BTBD9: variants seen among roughly 807,000 people sequenced by gnomAD.
The protein encoded by BTBD9 is BTB/POZ domain-containing protein 9.
Under a neutral mutation model 64.3 loss-of-function variants are expected in BTBD9, and 49 were observed. That is an observed-to-expected ratio of 0.76 (90% confidence interval 0.61 to 0.97). The LOEUF is 0.97. Ranked by LOEUF, BTBD9 falls within the 50% of genes least tolerant of loss-of-function variation. The pLI, the probability that BTBD9 is intolerant of heterozygous loss-of-function variation, is 0.00. For synonymous variants in BTBD9, 260 were observed against 274.7 expected, an observed-to-expected ratio of 0.95 and a Z score of 0.53; for missense variants, 598 against 762.1, an observed-to-expected ratio of 0.78 and a Z score of 2.53.
chr6:38,205,703 G>T (rs1301117154), intron 9 of BTBD9, among the ~76,000 whole-genome samples: 4 of 151,336 alleles, frequency 2.6e-5, no homozygotes, highest in Admixed American at 2.6e-4. Context: ...GGCCAACATG[G>T]CAAAACCCCT....
intron 6 of BTBD9, among the ~76,000 whole-genome samples, chr6:38,357,608 A>G (rs554234500): frequency 6.6e-6 from 1 of 152,292 alleles, no homozygotes; most frequent in South Asian, 2.1e-4. Flanking sequence ...TAAAAATAAA[A>G]ATTTGAGCAG....
intron 1 of BTBD9, among the ~76,000 whole-genome samples, chr6:38,623,876 C>A (rs1178789649): frequency 2.0e-5 from 3 of 152,224 alleles, no homozygotes; most frequent in Non-Finnish European, 4.4e-5. Flanking sequence ...CCAAGGACCC[C>A]TGGACTGACC....
At chr6:38,521,081 T>G (rs1773252235) in intron 6 of BTBD9, among the ~76,000 whole-genome samples, 2 of 151,914 alleles carry the variant, frequency 1.3e-5, no homozygotes, top group African/African-American at 4.8e-5. Context: ...AGCCCAACAG[T>G]TAAGATCGTG....
intron 6 of BTBD9, among the ~76,000 whole-genome samples, chr6:38,364,883 A>C (rs2127600479): frequency 6.6e-6 from 1 of 152,298 alleles, no homozygotes; most frequent in Admixed American, 6.5e-5. Context: ...CTCTGTTCTG[A>C]GACTTCTGGA....
At chr6:38,602,409 A>C (rs566230993) in intron 1 of BTBD9, among the ~76,000 whole-genome samples, 1 of 151,618 alleles carries the variant, frequency 6.6e-6, no homozygotes, top group South Asian at 2.1e-4. Flanking sequence ...AAAGTTAGAT[A>C]CTAATGAACA....
chr6:38,411,509 C>T (rs1004981630), intron 6 of BTBD9, among the ~76,000 whole-genome samples: 6 of 152,046 alleles, frequency 3.9e-5, no homozygotes, highest in East Asian at 1.9e-4. Flanking sequence ...AAGATAAAAT[C>T]GGATACATTC....
At chr6:38,425,283 T>G (rs1562167413) in intron 6 of BTBD9, among the ~76,000 whole-genome samples, 1 of 151,400 alleles carries the variant, frequency 6.6e-6, no homozygotes, top group African/African-American at 2.4e-5. Context: ...CTTTTGTATT[T>G]TTAGTAGAGA....
chr6:38,627,443 C>A (rs572274595), intron 1 of BTBD9, among the ~76,000 whole-genome samples: 42 of 152,228 alleles, frequency 2.8e-4, no homozygotes, highest in African/African-American at 9.6e-4. Flanking sequence ...TTAGAATATG[C>A]CACATATACA....
chr6:38,403,866 GTATAT>G (rs2127242589), intron 6 of BTBD9, among the ~76,000 whole-genome samples: 1 of 152,230 alleles, frequency 6.6e-6, no homozygotes, highest in African/African-American at 2.4e-5. Context: ...GTAAAATACT[GTATAT>G]TCATACAATG....
chr6:38,283,294 A>G (rs1761592614), intron 8 of BTBD9, among the ~76,000 whole-genome samples: 1 of 152,226 alleles, frequency 6.6e-6, no homozygotes, highest in South Asian at 2.1e-4. Context: ...AACAAAAGAA[A>G]TCCTTATTCA....
intron 6 of BTBD9, among the ~76,000 whole-genome samples, chr6:38,354,100 C>A (rs1424008591): frequency 3.3e-5 from 5 of 152,030 alleles, no homozygotes; most frequent in African/African-American, 4.8e-5. Flanking sequence ...AAGAATACTT[C>A]TAAGAATGTA....
chr6:38,220,586 A>C (rs540575258), intron 9 of BTBD9, among the ~76,000 whole-genome samples: 1 of 152,378 alleles, frequency 6.6e-6, no homozygotes, highest in South Asian at 2.1e-4. Context: ...GATTTATCAC[A>C]ATGAGAAGGC....
At chr6:38,527,190 C>T (rs2127425452) in intron 6 of BTBD9, among the ~76,000 whole-genome samples, 1 of 131,232 alleles carries the variant, frequency 7.6e-6, no homozygotes, top group African/African-American at 2.9e-5. Context: ...GCAGGAGAAT[C>T]ACTGGAACCC....
intron 6 of BTBD9, among the ~76,000 whole-genome samples, chr6:38,409,617 G>C (rs1767319884): frequency 6.6e-6 from 1 of 151,916 alleles, no homozygotes; most frequent in South Asian, 2.1e-4. Context: ...CAGGTCAGGA[G>C]ATTGAGACCA....
intron 6 of BTBD9, among the ~76,000 whole-genome samples, chr6:38,519,844 G>T (rs1773203928): frequency 6.6e-6 from 1 of 152,188 alleles, no homozygotes; most frequent in African/African-American, 2.4e-5. Flanking sequence ...GCTAGATCAA[G>T]GTGAGTTCCT....
intron 6 of BTBD9, among the ~76,000 whole-genome samples, chr6:38,360,502 G>A (rs1216192797): frequency 2.0e-5 from 3 of 152,082 alleles, no homozygotes; most frequent in Admixed American, 6.5e-5. Flanking sequence ...AGTACATTCT[G>A]TTATATAAAT....
intron 6 of BTBD9, among the ~76,000 whole-genome samples, chr6:38,573,066 T>C (rs12192377): frequency 2.2e-4 from 34 of 151,840 alleles, no homozygotes; most frequent in Non-Finnish European, 4.6e-4. Flanking sequence ...AGAAGAAAAA[T>C]ATGCAGAAGA....
intron 1 of BTBD9, among the ~76,000 whole-genome samples, chr6:38,627,340 G>C (rs1174394987): frequency 1.3e-5 from 2 of 152,186 alleles, no homozygotes; most frequent in Non-Finnish European, 2.9e-5. Flanking sequence ...ATGGTGCTCT[G>C]TAGGCATTAA....
chr6:38,302,485 G>GTGTGTATATA (rs1554137022), intron 7 of BTBD9, among the ~76,000 whole-genome samples: 2 of 106,908 alleles, frequency 1.9e-5, no homozygotes, highest in African/African-American at 3.5e-5. Flanking sequence ...TTGTGTGTAT[G>GTGTGTATATA]TATATATATA....
Sources: gnomAD v4.1 joint callset for allele counts (sites outside exome capture counted in the v4.1 genomes callset) on GRCh38, gnomAD v4.1.1 for gene constraint, MANE v1.5 for transcripts, NCBI Gene and HGNC (gene_info 2026-07-23, HGNC 2026-07-21) for gene names.